NSL1: variants seen among roughly 807,000 people sequenced by gnomAD.
The protein encoded by NSL1 is kinetochore-associated protein NSL1 homolog.
NSL1 carries 11 observed loss-of-function variants against 25.4 expected under a neutral mutation model. The observed-to-expected ratio is 0.43, with a 90% CI of 0.27 to 0.72. NSL1 has a LOEUF of 0.72. Among genes scored for constraint, NSL1 ranks in the 30% least tolerant of loss-of-function variants. NSL1 has a pLI of 0.19. For synonymous variants in NSL1, 118 were observed against 120.6 expected, an observed-to-expected ratio of 0.98 and a Z score of 0.14; for missense variants, 330 against 342.7, an observed-to-expected ratio of 0.96 and a Z score of 0.29.
chr1:212,790,045 G>A (rs894342434), intron 1 of NSL1, among the ~76,000 whole-genome samples: 1 of 151,422 alleles, frequency 6.6e-6, no homozygotes, highest in Non-Finnish European at 1.5e-5. Flanking sequence ...ATGGAGTCTC[G>A]CTCTGTCACC....
intron 4 of NSL1, among the ~76,000 whole-genome samples, chr1:212,767,962 C>A (rs1292330854): frequency 1.3e-5 from 2 of 152,190 alleles, no homozygotes; most frequent in African/African-American, 4.8e-5. Flanking sequence ...AACACTTTCA[C>A]AATGCTGGTG....
chr1:212,751,642 T>C (rs577997549), intron 4 of NSL1, among the ~76,000 whole-genome samples: 202 of 152,272 alleles, frequency 1.3e-3, no homozygotes, highest in African/African-American at 4.8e-3. Context: ...TTATGGTACC[T>C]TTTTTTCTTT....
intron 4 of NSL1, among the ~76,000 whole-genome samples, chr1:212,771,040 G>A (rs369093720): frequency 2.4e-4 from 36 of 152,282 alleles, no homozygotes; most frequent in Middle Eastern, 3.4e-3. Context: ...CAGGCCAGGC[G>A]CAGCAGCTCA....
At chr1:212,764,989 G>A (rs963204110) in intron 4 of NSL1, among the ~76,000 whole-genome samples, 7 of 151,132 alleles carry the variant, frequency 4.6e-5, no homozygotes, top group African/African-American at 1.7e-4. Flanking sequence ...ATCTAGAGGA[G>A]GTAGATAAGT....
At chr1:212,766,447 T>C (rs1659823884) in intron 4 of NSL1, among the ~76,000 whole-genome samples, 1 of 151,540 alleles carries the variant, frequency 6.6e-6, no homozygotes. Flanking sequence ...GAAGACTCCA[T>C]CCTGGCTAAC....
At chr1:212,755,716 C>T (rs540880772) in intron 4 of NSL1, among the ~76,000 whole-genome samples, 4 of 151,228 alleles carry the variant, frequency 2.6e-5, no homozygotes, top group South Asian at 2.1e-4. Flanking sequence ...GATTGGGAGG[C>T]GAAGTTATGG....
chr1:212,734,876 A>G lies in NSL1; in HGVS notation c.*3532T>C, dbSNP rs1270728777. ...TTGCACACTCATCCTCTTCACTGGA[A>G]TATGACCTTCCTGAAGGCAACACTT... On this transcript the variant is annotated 3_prime_UTR_variant, in exon 6 of 6. Coordinates refer to ENST00000366977, the MANE Select transcript of NSL1 (RefSeq NM_015471.4). 2.6e-5 allele frequency among the ~76,000 whole-genome samples: 4 copies of G among 152,216 alleles called. No homozygotes were observed. Among genetic ancestry groups the G allele is most frequent in the Non-Finnish European group, 1.5e-5 (1 of 68,032 alleles).
chr1:212,740,420 C>T (rs1658448091), intron 4 of NSL1, among the ~76,000 whole-genome samples: 1 of 151,976 alleles, frequency 6.6e-6, no homozygotes, highest in South Asian at 2.1e-4. Context: ...AAACAGCTTA[C>T]TGAAAGAGGG....
chr1:212,769,614 A>G (rs1660002865), intron 4 of NSL1, among the ~76,000 whole-genome samples: 1 of 152,244 alleles, frequency 6.6e-6, no homozygotes, highest in African/African-American at 2.4e-5. Context: ...AAAATGCTTA[A>G]GGAAGTTCTA....
chr1:212,756,649 G>A (rs1659322077), intron 4 of NSL1, among the ~76,000 whole-genome samples: 1 of 152,022 alleles, frequency 6.6e-6, no homozygotes, highest in Non-Finnish European at 1.5e-5. Context: ...GTGAAACCTT[G>A]TCTCTATTAA....
At chr1:212,763,953 C>CT (rs1249461358) in intron 4 of NSL1, 2 of 379,894 alleles carry the variant, frequency 5.3e-6, no homozygotes, top group African/African-American at 4.3e-5. Context: ...ACACAACATT[C>CT]TTCCCAACAA....
chr1:212,749,760 G>A (rs1312610015), intron 4 of NSL1, among the ~76,000 whole-genome samples: 1 of 151,902 alleles, frequency 6.6e-6, no homozygotes, highest in African/African-American at 2.4e-5. Context: ...CTGAACAACA[G>A]CTGTTTTCTA....
rs1194505888 is a variant in NSL1, at chr1:212,735,780, T to G, written c.*2628A>C. On this transcript the variant is annotated 3_prime_UTR_variant, in exon 6 of 6. Transcript: ENST00000366977. The stretch of plus-strand genomic sequence containing the variant: ...ACATGCATGCACTGAGGAAAGGCCA[T>G]GTGAGGACATAGTAAGGAGGTGGTC... Among the ~76,000 whole-genome samples, 5 of 152,312 alleles carry G rather than the reference T, an allele frequency of 3.3e-5. No homozygotes were observed. The highest frequency in any genetic ancestry group is 3.9e-4 in the East Asian group (2 of 5,188).
At chr1:212,755,762 C>A (rs910721980) in intron 4 of NSL1, among the ~76,000 whole-genome samples, 3 of 151,238 alleles carry the variant, frequency 2.0e-5, no homozygotes, top group Non-Finnish European at 2.9e-5. Flanking sequence ...TATATATTTT[C>A]ATATATATCT....
At chr1:212,765,850 C>T (rs1659781305) in intron 4 of NSL1, among the ~76,000 whole-genome samples, 1 of 151,282 alleles carries the variant, frequency 6.6e-6, no homozygotes, top group Non-Finnish European at 1.5e-5. Flanking sequence ...GATTAAAAAC[C>T]CTCGGGCTGG....
Position 212,737,798 on chromosome 1 carries a change from C to A in NSL1, c.*610G>T, listed in dbSNP as rs1658292735. On this transcript the variant is annotated 3_prime_UTR_variant, in exon 6 of 6. Coordinates refer to ENST00000366977, the MANE Select transcript of NSL1 (RefSeq NM_015471.4). ...TTTTATTTCAAAGAGTAATGTTGCACAAATAATAGTTATCATTGTCTTACA... is the reference window on the plus strand; with the variant it reads ...TTTTATTTCAAAGAGTAATGTTGCAAAAATAATAGTTATCATTGTCTTACA... The A allele has an allele frequency of 1.0e-6, 1 of 985,192 alleles. No homozygotes were observed. The highest frequency in any genetic ancestry group is 4.7e-5 in the South Asian group (1 of 21,290). 61.0% of individuals were successfully genotyped at this position (985,192 alleles called of 1,614,324 possible). A position where few individuals can be genotyped will look rare whatever the true frequency, so the allele number is the denominator to read the frequency against.
intron 4 of NSL1, among the ~76,000 whole-genome samples, chr1:212,741,453 C>T (rs149523888): frequency 3.9e-5 from 6 of 152,218 alleles, no homozygotes; most frequent in East Asian, 1.9e-4. Flanking sequence ...GATCACGGGG[C>T]GATTTCCCCC....
chr1:212,733,268 CAA>C lies in NSL1; in HGVS notation c.*5138_*5139del, dbSNP rs59960065. 3.9e-5 allele frequency among the ~76,000 whole-genome samples: 6 copies of C among 152,028 alleles called. No homozygotes were observed. In the East Asian group the frequency reaches 1.2e-3, roughly 29 times the overall value. On this transcript the variant is annotated 3_prime_UTR_variant, in exon 6 of 6. Coordinates refer to ENST00000366977, the MANE Select transcript of NSL1 (RefSeq NM_015471.4). ...GCCACATAGCGAAACTCCGTCTCTA[CAA>C]AAAATACAAAAATTAGCTGGGCATG...
At chr1:212,751,264 C>A (rs1264366888) in intron 4 of NSL1, among the ~76,000 whole-genome samples, 1 of 152,188 alleles carries the variant, frequency 6.6e-6, no homozygotes, top group Non-Finnish European at 1.5e-5. Context: ...CAGCCCATTC[C>A]TATAGTAGTA....
Sources: gnomAD v4.1 joint callset for allele counts (sites outside exome capture counted in the v4.1 genomes callset) on GRCh38, gnomAD v4.1.1 for gene constraint, MANE v1.5 for transcripts, NCBI Gene and HGNC (gene_info 2026-07-23, HGNC 2026-07-21) for gene names.